Variants in CIRSR observed in about 807,000 individuals in gnomAD.
CIRSR encodes CBF1 (RBPJ) interacting corepressor 1.
At chr2:174,369,857 A>G in the CIRSR span, 1 of 1,109,016 alleles carries the variant, frequency 9.0e-7, no homozygotes, top group South Asian at 1.5e-5. Context: ...CACTGAGCAC[A>G]GATCACCATA....
At chr2:174,350,918 C>A in the CIRSR span, among the ~76,000 whole-genome samples, 1 of 152,082 alleles carries the variant, frequency 6.6e-6, no homozygotes, top group Non-Finnish European at 1.5e-5. Flanking sequence ...GTCTCCCTGC[C>A]GAAGTGGATC....
At chr2:174,348,400 C>T in the CIRSR span, 2 of 1,504,290 alleles carry the variant, frequency 1.3e-6, no homozygotes, top group African/African-American at 1.4e-5. Context: ...GACAACAGTA[C>T]ATAATTTACC....
At chr2:174,393,410 T>C in the CIRSR span, among the ~76,000 whole-genome samples, 1 of 152,152 alleles carries the variant, frequency 6.6e-6, no homozygotes, top group Non-Finnish European at 1.5e-5. Context: ...TAAAACCTAC[T>C]GGACTTTTTA....
the CIRSR span, among the ~76,000 whole-genome samples, chr2:174,354,210 A>T: frequency 1.1e-4 from 16 of 151,022 alleles, no homozygotes; most frequent in Non-Finnish European, 2.1e-4. Flanking sequence ...TGTAGTATAT[A>T]AATTTAGCAC....
the CIRSR span, chr2:174,348,853 T>G: frequency 1.2e-6 from 2 of 1,614,110 alleles, no homozygotes; most frequent in African/African-American, 1.3e-5. Context: ...GGCTTTTCCT[T>G]GGCTTTTTCC....
chr2:174,348,572 T>C, the CIRSR span: 1 of 1,614,252 alleles, frequency 6.2e-7, no homozygotes, highest in Non-Finnish European at 8.5e-7. Flanking sequence ...TATACAAGTC[T>C]GTGCCATGGC....
chr2:174,391,451 G>A, the CIRSR span, among the ~76,000 whole-genome samples: 54 of 152,274 alleles, frequency 3.5e-4, no homozygotes, highest in East Asian at 2.3e-3. Context: ...TTAGCCAGGC[G>A]TGGTGGTGTG....
the CIRSR span, among the ~76,000 whole-genome samples, chr2:174,372,733 C>T: frequency 6.6e-6 from 1 of 152,074 alleles, no homozygotes; most frequent in African/African-American, 2.4e-5. Context: ...CAGGCGCCAC[C>T]ACCACGCCCA....
chr2:174,395,452 T>C, the CIRSR span: 1 of 1,185,000 alleles, frequency 8.4e-7, no homozygotes, highest in Non-Finnish European at 1.3e-6. Flanking sequence ...AAGCGGAGGC[T>C]GTCCTAGGGA....
chr2:174,381,321 C>T, the CIRSR span, among the ~76,000 whole-genome samples: 2 of 152,134 alleles, frequency 1.3e-5, no homozygotes, highest in African/African-American at 2.4e-5. Context: ...TGTCATAGTA[C>T]TTTTCCATGT....
At chr2:174,366,508 A>AT in the CIRSR span, among the ~76,000 whole-genome samples, 1 of 152,210 alleles carries the variant, frequency 6.6e-6, no homozygotes, top group African/African-American at 2.4e-5. Flanking sequence ...AAATGGAGGA[A>AT]TTTTTTGCCA....
chr2:174,382,859 AG>A, the CIRSR span, among the ~76,000 whole-genome samples: 1 of 152,226 alleles, frequency 6.6e-6, no homozygotes, highest in Non-Finnish European at 1.5e-5. Context: ...ATAAGATCCA[AG>A]TAAAAATAAT....
the CIRSR span, among the ~76,000 whole-genome samples, chr2:174,362,320 CAA>C: frequency 6.7e-6 from 1 of 149,534 alleles, no homozygotes; most frequent in Non-Finnish European, 1.5e-5. Flanking sequence ...AAAACAAAAA[CAA>C]AAACAAAAAC....
chr2:174,350,059 A>G, the CIRSR span, among the ~76,000 whole-genome samples: 1 of 152,210 alleles, frequency 6.6e-6, no homozygotes, highest in Non-Finnish European at 1.5e-5. Flanking sequence ...CTATTAAAAC[A>G]TTCTGAATTT....
At chr2:174,395,165 C>CTA in the CIRSR span, among the ~76,000 whole-genome samples, 1 of 152,108 alleles carries the variant, frequency 6.6e-6, no homozygotes, top group African/African-American at 2.4e-5. Flanking sequence ...TTTTAAAGAT[C>CTA]TATCTTAAGT....
the CIRSR span, among the ~76,000 whole-genome samples, chr2:174,356,264 A>G: frequency 3.9e-5 from 6 of 152,024 alleles, no homozygotes; most frequent in African/African-American, 1.2e-4. Flanking sequence ...CCAGGAGTTC[A>G]AGACCAGCTT....
chr2:174,355,819 G>C, the CIRSR span, among the ~76,000 whole-genome samples: 1 of 152,162 alleles, frequency 6.6e-6, no homozygotes, highest in South Asian at 2.1e-4. Context: ...TGGCTATGAG[G>C]AAATGGCATA....
At chr2:174,390,021 G>A in the CIRSR span, among the ~76,000 whole-genome samples, 3 of 152,244 alleles carry the variant, frequency 2.0e-5, no homozygotes, top group East Asian at 1.9e-4. Context: ...AGGGCAGTGC[G>A]GAAGGGAAAT....
the CIRSR span, chr2:174,378,999 A>G: frequency 1.5e-5 from 24 of 1,613,962 alleles, no homozygotes; most frequent in African/African-American, 2.0e-4. Context: ...CTGTGTTGAC[A>G]TGACCCCATT....
Sources: gnomAD v4.1 joint callset for allele counts (sites outside exome capture counted in the v4.1 genomes callset) on GRCh38, gnomAD v4.1.1 for gene constraint, MANE v1.5 for transcripts, NCBI Gene and HGNC (gene_info 2026-07-23, HGNC 2026-07-21) for gene names.